DNAH7: variants seen among roughly 807,000 people sequenced by gnomAD.
DNAH7 encodes dynein axonemal heavy chain 7.
Under a neutral mutation model 444.6 loss-of-function variants are expected in DNAH7, and 397 were observed. The ratio of observed to expected loss-of-function variants is 0.89; its 90% CI spans 0.82 to 0.97. The LOEUF (loss-of-function observed/expected upper bound fraction) is 0.97, where lower values mean the gene tolerates loss of function less well. Ranked by LOEUF, DNAH7 falls within the 50% of genes least tolerant of loss-of-function variation. DNAH7 has a pLI of 0.00. For missense variants in DNAH7, 4,902 were observed against 4,800.8 expected (o/e 1.02, Z -0.62); for synonymous variants, 1,636 against 1,624.4 (o/e 1.01, Z -0.17).
At chr2:195,934,173 T>C (rs1688890873) in intron 21 of DNAH7, among the ~76,000 whole-genome samples, 1 of 152,238 alleles carries the variant, frequency 6.6e-6, no homozygotes, top group Non-Finnish European at 1.5e-5. Context: ...CATTATTTTC[T>C]AACATTTTGT....
intron 38 of DNAH7, among the ~76,000 whole-genome samples, chr2:195,874,194 C>T (rs1055121908): frequency 2.0e-5 from 3 of 152,110 alleles, no homozygotes; most frequent in African/African-American, 7.2e-5. Flanking sequence ...CAAGACGAGT[C>T]TATACAGTTC....
At chr2:195,808,535 G>C (rs1696811254) in intron 53 of DNAH7, 147 bp downstream of exon 53, 1 of 830,784 alleles carries the variant, frequency 1.2e-6, no homozygotes, top group South Asian at 1.8e-5. Flanking sequence ...CACTGACTTA[G>C]AAGGGGGGAT....
At position 195,861,708 on chromosome 2, in the gene DNAH7, G is replaced by T. The variant is rs759465316; in HGVS notation, c.7736+9C>A. 5.0e-6 allele frequency: 8 copies of T among 1,589,964 alleles called. No individual in the cohort carries two copies. Among genetic ancestry groups the T allele is most frequent in the South Asian group, 4.5e-5 (4 of 88,696 alleles). On this transcript the variant is annotated intron_variant, in intron 42 of 64. Transcript: ENST00000312428. The stretch of plus-strand genomic sequence containing the variant: ...TAGCTTACTTAGAAATATGAAATTT[G>T]ATTTTTACCTTCTTTTCTTTTCTAA...
At chr2:196,032,930 G>A (rs929611715) in intron 5 of DNAH7, among the ~76,000 whole-genome samples, 1 of 152,136 alleles carries the variant, frequency 6.6e-6, no homozygotes, top group Non-Finnish European at 1.5e-5. Flanking sequence ...TAAGTGAGAG[G>A]AATGCAAGGT....
intron 27 of DNAH7, chr2:195,905,547 G>A (rs1188564707): frequency 6.6e-6 from 1 of 152,156 alleles, no homozygotes; most frequent in African/African-American, 2.4e-5. Flanking sequence ...CATGTGAAGT[G>A]TGGAAGTAAT....
In DNAH7 at chr2:196,051,366, A is replaced by G. The variant is rs568972853; in HGVS notation, c.79-117T>C. 171 of 788,994 alleles carry G rather than the reference A, an allele frequency of 2.2e-4. 3 individuals are homozygous for G. The highest frequency in any genetic ancestry group is 1.9e-3 in the South Asian group (123 of 64,716). The allele number at this position is 788,994 out of a possible 1,614,324, so 48.9% of individuals were successfully genotyped here. ...AAAGTACATATTATCCAACATATTCAAAGATAAACTTTACTGCTTTTTAAA... is the reference window on the plus strand; with the variant it reads ...AAAGTACATATTATCCAACATATTCGAAGATAAACTTTACTGCTTTTTAAA... On this transcript the variant is annotated intron_variant, in intron 2 of 64. Coordinates refer to ENST00000312428, the MANE Select transcript of DNAH7 (RefSeq NM_018897.3).
chr2:195,992,581 C>A (rs1391418293), intron 12 of DNAH7, among the ~76,000 whole-genome samples: 1 of 152,196 alleles, frequency 6.6e-6, no homozygotes, highest in South Asian at 2.1e-4. Flanking sequence ...TGAGTGCCTA[C>A]TGTGTGCCTG....
intron 12 of DNAH7, among the ~76,000 whole-genome samples, chr2:195,999,444 T>C (rs1693906764): frequency 6.6e-6 from 1 of 152,144 alleles, no homozygotes; most frequent in Non-Finnish European, 1.5e-5. Flanking sequence ...AGGAATCAAC[T>C]TAAACCAAGT....
intron 51 of DNAH7, among the ~76,000 whole-genome samples, chr2:195,810,672 T>C (rs1025217397): frequency 6.6e-6 from 1 of 151,920 alleles, no homozygotes; most frequent in African/African-American, 2.4e-5. Flanking sequence ...TTTTCTTAAC[T>C]ATTTTATCCC....
rs1023693739 is a variant in DNAH7, at chr2:196,001,772, G to C, written c.1076C>G (p.Ser359Cys). The change falls in exon 11 of 65, where the codon TCT (serine) becomes TGT (cysteine). Residue 359 changes from serine (S) to cysteine (C), a missense_variant. Physicochemically the swap from Ser to Cys is moderately radical, Grantham distance 112. Transcript: ENST00000312428. ...AAGTGCAGCAGCACAGTTGAAAAAA[G>C]ATTCCAATTTGGCACTGCTGTCACC... ...PTGDSSAKLE[S>C]FFNCAAALMT... 4.3e-6 allele frequency: 7 copies of C among 1,612,858 alleles called. No homozygotes were observed. The highest frequency in any genetic ancestry group is 1.1e-5 in the South Asian group (1 of 90,796).
chr2:195,885,954 C>T (rs986397002), intron 34 of DNAH7, among the ~76,000 whole-genome samples, 187 bp downstream of exon 34: 2 of 152,124 alleles, frequency 1.3e-5, no homozygotes, highest in African/African-American at 4.8e-5. Flanking sequence ...ATCATGACTC[C>T]CAGGCAAGAA....
At position 195,936,664 on chromosome 2, in the gene DNAH7, G is replaced by A. The variant is rs771029050; in HGVS notation, c.3207C>T (p.Pro1069=). The A allele has an allele frequency of 4.4e-6, 7 of 1,605,094 alleles. No homozygotes were observed. Among genetic ancestry groups the A allele is most frequent in the Non-Finnish European group, 5.9e-6 (7 of 1,176,980 alleles). ...CATCATTGGACAAAAAAAAGAATCT[G>A]GGGAAAAAGAGGCGTTTCTTTTCCA... ...EYLEKKRLFF[P]RFFFLSNDEL... is the part of the protein sequence containing the mutation. Residue 1069 remains proline (P), a synonymous_variant, in exon 20 of 65, where the codon CCC becomes CCT. Transcript: ENST00000312428.
intron 19 of DNAH7, among the ~76,000 whole-genome samples, chr2:195,937,685 CT>C (rs1279485278): frequency 6.6e-6 from 1 of 152,006 alleles, no homozygotes; most frequent in Non-Finnish European, 1.5e-5. Flanking sequence ...AAATAGAATT[CT>C]TTTTACTTTT....
At position 195,947,186 on chromosome 2, in the gene DNAH7, G is replaced by A. The variant is rs2015140; in HGVS notation, c.3078+10075C>T. ...TATATATAGTATTTTTAGTAGAGAC[G>A]GGGTTTCACCATGTTGGCCAGGCTG... On this transcript the variant is annotated intron_variant, in intron 19 of 64. Coordinates refer to ENST00000312428, the MANE Select transcript of DNAH7 (RefSeq NM_018897.3). 5.6e-3 allele frequency among the ~76,000 whole-genome samples: 837 copies of A among 149,254 alleles called. 4 individuals are homozygous for A. The highest frequency in any genetic ancestry group is 0.014 in the Middle Eastern group (4 of 280).
At chr2:195,953,919 T>C (rs1690443870) in intron 19 of DNAH7, among the ~76,000 whole-genome samples, 1 of 152,260 alleles carries the variant, frequency 6.6e-6, no homozygotes, top group Non-Finnish European at 1.5e-5. Context: ...TATGGGTTTA[T>C]GTTTATTTTC....
intron 35 of DNAH7, among the ~76,000 whole-genome samples, chr2:195,882,697 CATG>C (rs1701459122): frequency 6.6e-6 from 1 of 152,230 alleles, no homozygotes; most frequent in Non-Finnish European, 1.5e-5. Flanking sequence ...TCAACAACAT[CATG>C]ATAACTCTGT....
chr2:195,977,106 T>C (rs1692262751), intron 15 of DNAH7, among the ~76,000 whole-genome samples: 1 of 152,112 alleles, frequency 6.6e-6, no homozygotes. Flanking sequence ...TCCACAAGCA[T>C]CAAGACTGTC....
chr2:195,800,000 C>T (rs1696368115), intron 54 of DNAH7, among the ~76,000 whole-genome samples: 2 of 152,246 alleles, frequency 1.3e-5, no homozygotes, highest in Middle Eastern at 3.4e-3. Flanking sequence ...TTTCTGGGAG[C>T]CTGTTTGAGA....
chr2:195,985,152 A>G (rs1405229602), intron 14 of DNAH7, among the ~76,000 whole-genome samples: 1 of 152,230 alleles, frequency 6.6e-6, no homozygotes, highest in Non-Finnish European at 1.5e-5. Context: ...TAATATGCAA[A>G]TATTTCCTAC....
Sources: gnomAD v4.1 joint callset for allele counts (sites outside exome capture counted in the v4.1 genomes callset) on GRCh38, gnomAD v4.1.1 for gene constraint, MANE v1.5 for transcripts, NCBI Gene and HGNC (gene_info 2026-07-23, HGNC 2026-07-21) for gene names.